The following STIM1 variants were observed in gnomAD, a reference collection of about 807,000 sequenced individuals.
STIM1 encodes stromal interaction molecule 1.
In STIM1, 25 loss-of-function variants were observed where a neutral mutation model predicts 74.7. The observed-to-expected ratio is 0.33, with a 90% confidence interval of 0.24 to 0.47. The LOEUF is 0.47. Ranked by LOEUF, STIM1 falls within the 20% of genes least tolerant of loss-of-function variation. STIM1 has a pLI of 1.00. For synonymous variants in STIM1, 328 were observed against 348.8 expected (o/e 0.94, Z 0.66); for missense variants, 728 against 920.8 (o/e 0.79, Z 2.71).
chr11:4,085,689 T>G (rs2094489764), intron 11 of STIM1, among the ~76,000 whole-genome samples: 1 of 152,208 alleles, frequency 6.6e-6, no homozygotes. Flanking sequence ...CTGTTTCAGG[T>G]GCCTTAAAGA....
intron 12 of STIM1, chr11:4,088,775 C>T: frequency 6.5e-7 from 1 of 1,533,290 alleles, no homozygotes; most frequent in Non-Finnish European, 8.7e-7. Context: ...GGCAGCCCAG[C>T]CTTTGGGGAG....
At chr11:4,001,558 G>A (rs191077486) in intron 2 of STIM1, among the ~76,000 whole-genome samples, 2,801 of 152,186 alleles carry the variant, frequency 0.018, 81 homozygotes, top group African/African-American at 0.065. Flanking sequence ...TCACCACCAG[G>A]TCTGCCCTAA....
At chr11:4,065,605 T>C (rs2094360547) in intron 5 of STIM1, among the ~76,000 whole-genome samples, 1 of 152,114 alleles carries the variant, frequency 6.6e-6, no homozygotes, top group Admixed American at 6.5e-5. Flanking sequence ...TGCTGGGAGA[T>C]GTGTGCTAGA....
chr11:3,903,663 A>C (rs1386609087), intron 1 of STIM1: 1 of 152,246 alleles, frequency 6.6e-6, no homozygotes. Context: ...GCAAGAGGGG[A>C]AGTTGAAACT....
chr11:3,973,207 C>T, intron 2 of STIM1: 1 of 448,064 alleles, frequency 2.2e-6, no homozygotes, highest in South Asian at 1.7e-5. Flanking sequence ...AGCATGGCTG[C>T]TACCAAAGTC....
At chr11:4,000,106 C>G (rs2093699649) in intron 2 of STIM1, among the ~76,000 whole-genome samples, 1 of 152,062 alleles carries the variant, frequency 6.6e-6, no homozygotes, top group Non-Finnish European at 1.5e-5. Context: ...TGGAGCCCAC[C>G]ACGGCTCAAG....
At position 4,046,265 on chromosome 11, in the gene STIM1, A is replaced by G. The variant is rs185580231; in HGVS notation, c.386-9261A>G. The stretch of plus-strand genomic sequence containing the variant: ...CAGCTCTGTCATCCTTCTTTTCTCA[A>G]CGGTATCTCTTGGAAATTAATTTAT... On this transcript the variant is annotated intron_variant, in intron 3 of 12. Coordinates refer to ENST00000526596, the MANE Select transcript of STIM1 (RefSeq NM_001382567.1). Among the ~76,000 whole-genome samples, 10 of 151,516 alleles carry G rather than the reference A, an allele frequency of 6.6e-5. No individual in the cohort carries two copies. The East Asian group carries it at 1.6e-3, about 23-fold the overall frequency.
Position 4,025,942 on chromosome 11 carries a change from C to A in STIM1, c.385+1955C>A, listed in dbSNP as rs114754750. Among the ~76,000 whole-genome samples, 866 of 152,224 alleles carry A rather than the reference C, an allele frequency of 5.7e-3. 9 individuals are homozygous for A. The highest frequency in any genetic ancestry group is 0.02 in the African/African-American group (829 of 41,548). ...AGCTGAGAAATGATATATATGTACC[C>A]TATTAGAATTTGCTCACTGTGTGTT... is the stretch of plus-strand genomic sequence containing the variant. On this transcript the variant is annotated intron_variant, in intron 3 of 12. Coordinates refer to ENST00000526596, the MANE Select transcript of STIM1 (RefSeq NM_001382567.1).
intron 1 of STIM1, among the ~76,000 whole-genome samples, chr11:3,904,121 C>G (rs7118310): frequency 1.3e-4 from 18 of 143,492 alleles, no homozygotes; most frequent in African/African-American, 4.3e-4. Flanking sequence ...TGCTTGAACC[C>G]GGGAGGCAGA....
chr11:4,078,744 T>C (rs1032801445), intron 7 of STIM1, among the ~76,000 whole-genome samples: 19 of 151,966 alleles, frequency 1.3e-4, no homozygotes, highest in Non-Finnish European at 2.6e-4. Flanking sequence ...CTAATTTTTG[T>C]ATTTTTAGTA....
At chr11:3,890,944 A>G (rs1215210131) in intron 1 of STIM1, among the ~76,000 whole-genome samples, 1 of 152,156 alleles carries the variant, frequency 6.6e-6, no homozygotes, top group African/African-American at 2.4e-5. Context: ...AAACTTGTAA[A>G]AGAATCAACT....
At chr11:3,998,752 A>G (rs117735932) in intron 2 of STIM1, among the ~76,000 whole-genome samples, 23 of 152,296 alleles carry the variant, frequency 1.5e-4, no homozygotes, top group Middle Eastern at 3.4e-3. Flanking sequence ...AGATCTAGAA[A>G]ACTTCACAGA....
chr11:3,882,067 T>G (rs916407091), intron 1 of STIM1, among the ~76,000 whole-genome samples: 4 of 151,714 alleles, frequency 2.6e-5, no homozygotes, highest in Admixed American at 2.6e-4. Flanking sequence ...TCATCTATAT[T>G]GTAGCATGTA....
rs979341987 is a variant in STIM1 at position 4,092,810 on chromosome 11, T to C, written c.*1012T>C. ...GAATTTCCCAAGTGCCTACGCTGCATATTCCCCTTGTTAGATCCCATTTTC... is the reference window on the plus strand; with the variant it reads ...GAATTTCCCAAGTGCCTACGCTGCACATTCCCCTTGTTAGATCCCATTTTC... On this transcript the variant is annotated 3_prime_UTR_variant, in exon 13 of 13. Coordinates refer to ENST00000526596, the MANE Select transcript of STIM1 (RefSeq NM_001382567.1). 1.3e-5 allele frequency: 2 copies of C among 152,216 alleles called. No individual in the cohort carries two copies. Among genetic ancestry groups the C allele is most frequent in the Non-Finnish European group, 2.9e-5 (2 of 68,042 alleles). The allele number at this position is 152,216 out of a possible 1,614,324, so 9.4% of individuals were successfully genotyped here.
intron 2 of STIM1, among the ~76,000 whole-genome samples, chr11:4,010,868 C>G (rs1378405292): frequency 6.6e-6 from 1 of 152,164 alleles, no homozygotes; most frequent in African/African-American, 2.4e-5. Context: ...ATCCCTCCCC[C>G]AGCCCCCAGC....
intron 1 of STIM1, among the ~76,000 whole-genome samples, chr11:3,961,759 C>T (rs1263027171): frequency 1.3e-5 from 2 of 152,064 alleles, no homozygotes; most frequent in Non-Finnish European, 2.9e-5. Flanking sequence ...CCGCCTGCCT[C>T]GGCCTCCTAA....
intron 1 of STIM1, among the ~76,000 whole-genome samples, chr11:3,965,732 G>C (rs778278017): frequency 6.6e-6 from 1 of 152,234 alleles, no homozygotes; most frequent in Non-Finnish European, 1.5e-5. Flanking sequence ...CAGGCTGGGC[G>C]TGGTGGCCCA....
At chr11:3,955,182 A>G (rs1372371189) in intron 1 of STIM1, among the ~76,000 whole-genome samples, 2 of 152,212 alleles carry the variant, frequency 1.3e-5, no homozygotes, top group Non-Finnish European at 2.9e-5. Context: ...AAACTAGTTT[A>G]TAGTGATAGA....
chr11:4,033,330 T>C (rs1174773210), intron 3 of STIM1, among the ~76,000 whole-genome samples: 1 of 152,212 alleles, frequency 6.6e-6, no homozygotes, highest in African/African-American at 2.4e-5. Context: ...AGGATTGACT[T>C]GGCGATGCGG....
Sources: allele counts gnomAD v4.1 joint callset (sites outside exome capture counted in the v4.1 genomes callset), GRCh38; gene constraint gnomAD v4.1.1; transcripts MANE v1.5; gene names NCBI Gene and HGNC (gene_info 2026-07-23, HGNC 2026-07-21).